The following FBXO32 variants were observed in gnomAD, a reference collection of about 807,000 sequenced individuals.
FBXO32 encodes the protein F-box protein 32, also known as F-box only protein 32.
In FBXO32, 15 loss-of-function variants were observed where a neutral mutation model predicts 48.3. That is an observed-to-expected ratio of 0.31 (90% CI 0.21 to 0.48). The LOEUF (loss-of-function observed/expected upper bound fraction) is 0.48, where lower values mean the gene tolerates loss of function less well. Among genes scored for constraint, FBXO32 ranks in the 20% least tolerant of loss-of-function variants. FBXO32 has a pLI of 0.99. For missense variants in FBXO32, 309 were observed against 432.7 expected (o/e 0.71, Z 2.54); for synonymous variants, 154 against 165.9 (o/e 0.93, Z 0.55).
At chr8:123,532,057 C>A in intron 3 of FBXO32, 67 bp from the exon 4 acceptor site, 1 of 1,595,946 alleles carries the variant, frequency 6.3e-7, no homozygotes, top group Non-Finnish European at 8.5e-7. Flanking sequence ...TAAGAATGAG[C>A]CAGTTAGAAC....
chr8:123,510,987 T>C (rs1328238014), intron 6 of FBXO32, among the ~76,000 whole-genome samples: 1 of 152,246 alleles, frequency 6.6e-6, no homozygotes, highest in East Asian at 1.9e-4. Flanking sequence ...GCTTGGAGTG[T>C]GCAGAGAATG....
intron 4 of FBXO32, among the ~76,000 whole-genome samples, chr8:123,528,230 G>A (rs1362894358): frequency 6.6e-6 from 1 of 152,158 alleles, no homozygotes; most frequent in Non-Finnish European, 1.5e-5. Flanking sequence ...GGTCACAGCA[G>A]GCTCACTGCA....
intron 4 of FBXO32, among the ~76,000 whole-genome samples, chr8:123,516,530 G>A (rs1816843021): frequency 6.6e-6 from 1 of 152,148 alleles, no homozygotes; most frequent in South Asian, 2.1e-4. Context: ...TTAAAGATTG[G>A]GTTGCAGAGG....
chr8:123,511,213 C>T (rs1289620313), intron 6 of FBXO32, among the ~76,000 whole-genome samples: 2 of 152,182 alleles, frequency 1.3e-5, no homozygotes, highest in Admixed American at 6.6e-5. Context: ...AAGGTTCTGG[C>T]CTCAGCTCTG....
intron 6 of FBXO32, among the ~76,000 whole-genome samples, chr8:123,511,802 T>A (rs1431638115): frequency 6.6e-6 from 1 of 152,150 alleles, no homozygotes; most frequent in Non-Finnish European, 1.5e-5. Flanking sequence ...ATGGGTGTTC[T>A]GAAGTTGCTG....
chr8:123,527,803 G>A (rs1563925272), intron 4 of FBXO32, among the ~76,000 whole-genome samples: 1 of 152,024 alleles, frequency 6.6e-6, no homozygotes, highest in Non-Finnish European at 1.5e-5. Context: ...TACAGGTATG[G>A]TTATCCTAGA....
In FBXO32 at chr8:123,525,670, G is replaced by A. The variant is rs991603238; in HGVS notation, c.372+6228C>T. 1.2e-4 allele frequency among the ~76,000 whole-genome samples: 19 copies of A among 152,166 alleles called. No homozygotes were observed. Among genetic ancestry groups the A allele is most frequent in the African/African-American group, 4.3e-4 (18 of 41,434 alleles). The stretch of plus-strand genomic sequence containing the variant: ...GGCTTAGGTCCTGCCTTTATTCCAC[G>A]TCCCTTCCTGGGCAGGCAACTTTGT... On this transcript the variant is annotated intron_variant, in intron 4 of 8. Coordinates refer to ENST00000517956, the MANE Select transcript of FBXO32 (RefSeq NM_058229.4). This position sits in a 1 kb window ranked among gnomAD's most constrained non-coding sequence, Gnocchi z 4.3.
chr8:123,509,773 C>A (rs879586820), intron 6 of FBXO32, among the ~76,000 whole-genome samples: 56 of 152,100 alleles, frequency 3.7e-4, no homozygotes, highest in Non-Finnish European at 7.1e-4. Flanking sequence ...GGTTCCAGTA[C>A]AGCTCTCAAT....
At position 123,507,000 on chromosome 8, in the gene FBXO32, C is replaced by T. The variant is rs911461949; in HGVS notation, c.652-426G>A. Among the ~76,000 whole-genome samples the T allele has an allele frequency of 6.6e-6, 1 of 152,212 alleles. No homozygotes were observed. The highest frequency in any genetic ancestry group is 1.5e-5 in the Non-Finnish European group (1 of 68,038). ...CATCAGGTCCCTCCAAGTAGGTTTA[C>T]TCACTGGCACCTAAACACACCTGGC... is the stretch of plus-strand genomic sequence containing the variant. On this transcript the variant is annotated intron_variant, in intron 6 of 8. Transcript: ENST00000517956. This position sits in a 1 kb window ranked among gnomAD's most constrained non-coding sequence, Gnocchi z 4.0.
intron 4 of FBXO32, among the ~76,000 whole-genome samples, chr8:123,527,866 A>G (rs955212088): frequency 6.6e-5 from 10 of 152,246 alleles, no homozygotes; most frequent in African/African-American, 2.2e-4. Context: ...CTACAAAAAA[A>G]GAAGCTTCGA....
chr8:123,523,976 A>G (rs1347067760), intron 4 of FBXO32, among the ~76,000 whole-genome samples: 2 of 152,226 alleles, frequency 1.3e-5, no homozygotes, highest in African/African-American at 4.8e-5. Flanking sequence ...TCTCACAGCA[A>G]CACTGCAGGG....
At chr8:123,537,934 G>T (rs1458504870) in intron 1 of FBXO32, among the ~76,000 whole-genome samples, 1 of 152,094 alleles carries the variant, frequency 6.6e-6, no homozygotes, top group African/African-American at 2.4e-5. Context: ...GGGCGGTGAG[G>T]GGGTGGTTGC....
At chr8:123,511,381 G>A (rs1816730671) in intron 6 of FBXO32, among the ~76,000 whole-genome samples, 1 of 152,168 alleles carries the variant, frequency 6.6e-6, no homozygotes, top group African/African-American at 2.4e-5. Flanking sequence ...CTATGGCAGT[G>A]CAGGGTATGT....
intron 6 of FBXO32, among the ~76,000 whole-genome samples, chr8:123,507,365 A>G (rs1816647849): frequency 6.6e-6 from 1 of 152,248 alleles, no homozygotes; most frequent in South Asian, 2.1e-4. Flanking sequence ...GGTGCTCAAC[A>G]AATACCTGTG....
At position 123,506,726 on chromosome 8, in the gene FBXO32, A is replaced by C; in HGVS notation, c.652-152T>G. On this transcript the variant is annotated intron_variant, in intron 6 of 8. Transcript: ENST00000517956. This position sits in a 1 kb window ranked among gnomAD's most constrained non-coding sequence, Gnocchi z 4.0. ...GCAGTAGTAAATCTCCCCATCCTAAATGCAGACAGGAGACCATGGCCATGA... is the reference window on the plus strand; with the variant it reads ...GCAGTAGTAAATCTCCCCATCCTAACTGCAGACAGGAGACCATGGCCATGA... The C allele has an allele frequency of 1.6e-6, 1 of 639,032 alleles. No homozygotes were observed. Among genetic ancestry groups the C allele is most frequent in the African/African-American group, 1.8e-5 (1 of 54,190 alleles). 39.6% of individuals were successfully genotyped at this position (639,032 alleles called of 1,614,324 possible).
At chr8:123,530,731 C>T (rs977285461) in intron 4 of FBXO32, among the ~76,000 whole-genome samples, 3 of 152,062 alleles carry the variant, frequency 2.0e-5, no homozygotes, top group Admixed American at 6.5e-5. Context: ...TCTCCTGCCT[C>T]AGCCTCCCGA....
chr8:123,515,294 G>A (rs985773008), intron 4 of FBXO32, among the ~76,000 whole-genome samples: 2 of 152,104 alleles, frequency 1.3e-5, no homozygotes, highest in African/African-American at 4.8e-5. Context: ...GGAGTGCAAT[G>A]GTGCAATCTC....
At position 123,502,170 on chromosome 8, in the gene FBXO32, C is replaced by T. The variant is rs960004731; in HGVS notation, c.*1203G>A. 6.6e-6 allele frequency: 1 copy of T among 152,198 alleles called. No individual in the cohort carries two copies. Among genetic ancestry groups the T allele is most frequent in the African/African-American group, 2.4e-5 (1 of 41,428 alleles). 9.4% of individuals were successfully genotyped at this position (152,198 alleles called of 1,614,324 possible). A position where few individuals can be genotyped will look rare whatever the true frequency, so the allele number is the denominator to read the frequency against. On this transcript the variant is annotated 3_prime_UTR_variant, in exon 9 of 9. Transcript: ENST00000517956. The stretch of plus-strand genomic sequence containing the variant: ...CAAAAAGCCCTAGCTCAGATGGACT[C>T]ATTTTGATGTTGGACCTAAAGAAAA...
chr8:123,507,749 T>C (rs2130505873), intron 6 of FBXO32, among the ~76,000 whole-genome samples: 1 of 152,154 alleles, frequency 6.6e-6, no homozygotes. Context: ...GGTCTAATTT[T>C]ATGTCCCTTG....
Sources: gnomAD v4.1 joint callset for allele counts (sites outside exome capture counted in the v4.1 genomes callset) on GRCh38, gnomAD v4.1.1 for gene constraint, Gnocchi (gnomAD v3.1) non-coding constraint, MANE v1.5 for transcripts, NCBI Gene and HGNC (gene_info 2026-07-23, HGNC 2026-07-21) for gene names.